Variants in ZNF99 observed in about 807,000 individuals in gnomAD.
ZNF99 encodes the protein zinc finger protein 99.
Under a neutral mutation model 12.8 loss-of-function variants are expected in ZNF99, and 8 were observed. The observed-to-expected ratio is 0.62, with a 90% CI of 0.37 to 1.13. The LOEUF (loss-of-function observed/expected upper bound fraction) is 1.13, where lower values mean the gene tolerates loss of function less well. Ranked by LOEUF, ZNF99 falls within the 50% of genes most tolerant of loss-of-function variation. The pLI is 0.02. For synonymous variants in ZNF99, 318 were observed against 319.0 expected (o/e 1.00, Z 0.03); for missense variants, 1,007 against 1,006.2 (o/e 1.00, Z -0.01).
chr19:22,765,356 G>T (rs1465585314), intron 3 of ZNF99, among the ~76,000 whole-genome samples: 1 of 151,988 alleles, frequency 6.6e-6, no homozygotes, highest in Non-Finnish European at 1.5e-5. Context: ...GAAAACGAGG[G>T]ATAAAAGACC....
In ZNF99 at chr19:22,776,763, A is replaced by G. The variant is rs184541108; in HGVS notation, c.3+7251T>C. Among the ~76,000 whole-genome samples the G allele has an allele frequency of 4.3e-3, 662 of 152,324 alleles. 7 individuals are homozygous for G. Among genetic ancestry groups the G allele is most frequent in the African/African-American group, 0.015 (631 of 41,578 alleles). On this transcript the variant is annotated intron_variant, in intron 1 of 3. Transcript: ENST00000596209. ...AAAAATTATTCTGTCATAAAGACAC[A>G]TGCACATGCATGTTCACTGAAGCAC...
At chr19:22,760,922 A>G (rs1460289897) in intron 3 of ZNF99, among the ~76,000 whole-genome samples, 1 of 150,966 alleles carries the variant, frequency 6.6e-6, no homozygotes, top group African/African-American at 2.4e-5. Context: ...AACAAGATGC[A>G]TTCTAAGAAC....
intron 1 of ZNF99, chr19:22,770,942 T>TC (rs149796416): frequency 7.5e-4 from 72 of 95,700 alleles, no homozygotes; most frequent in African/African-American, 4.1e-3. Context: ...TTTTCAGAAC[T>TC]TTTTTTTTTT....
intron 1 of ZNF99, among the ~76,000 whole-genome samples, chr19:22,781,191 C>T (rs772674223): frequency 1.3e-4 from 20 of 152,200 alleles, no homozygotes; most frequent in African/African-American, 2.9e-4. Context: ...AGTTAAAAAA[C>T]TGAGGTCAAA....
rs768823842 is a variant in ZNF99 at position 22,757,361 on chromosome 19, C to A, written c.2548G>T (p.Val850Leu). The change falls in exon 4 of 4, where the codon GTG becomes TTG. Residue 850 changes from valine to leucine, a missense_variant. By Grantham distance (32) the Val-to-Leu change is conservative (BLOSUM62 1). Transcript: ENST00000596209. ...TGAGAAATGTTTAAAAGCTTTGCCA[C>A]ATTCTTCACATTTGCAGGGTTTCTC... The part of the protein sequence containing the change: ...MERNPANVKN[V>L]AKLLNISQPL... 2 of 1,610,544 alleles carry A rather than the reference C, an allele frequency of 1.2e-6. No individual in the cohort carries two copies. Among genetic ancestry groups the A allele is most frequent in the Non-Finnish European group, 1.7e-6 (2 of 1,178,914 alleles).
At chr19:22,783,873 G>A in intron 1 of ZNF99, 141 bp downstream of exon 1, 1 of 1,119,752 alleles carries the variant, frequency 8.9e-7, no homozygotes, top group Non-Finnish European at 1.4e-6. Context: ...GGCTGAAGGA[G>A]ACTGAGGCCG....
rs760552178 is a variant in ZNF99 at position 22,758,526 on chromosome 19, A to C, written c.1383T>G (p.Ala461=). The C allele has an allele frequency of 6.2e-7, 1 of 1,612,994 alleles. No individual in the cohort carries two copies. The highest frequency in any genetic ancestry group is 2.2e-5 in the East Asian group (1 of 44,816). The change falls in exon 4 of 4, where the codon GCT becomes GCG. Residue 461 remains alanine, a synonymous_variant. Transcript: ENST00000596209. ...TTCTAAGGGCTGAAAAATTGCTAAA[A>C]GCTTTGCTGCATTCTTCACATTTGT... ...QPYKCEECSK[A]FSNFSALRKH... is the part of the protein sequence containing the mutation.
Position 22,754,611 on chromosome 19 carries a change from G to A in ZNF99, c.*2703C>T. The A allele has an allele frequency of 2.7e-6, 1 of 373,270 alleles. No homozygotes were observed. Among genetic ancestry groups the A allele is most frequent in the South Asian group, 2.1e-5 (1 of 47,752 alleles). 23.1% of individuals were successfully genotyped at this position (373,270 alleles called of 1,614,324 possible). ...TCAGTATGAATTATCTTAATGTGTGGTAAGATGTGAGAAATGGTTACAGTG... is the reference window on the plus strand; with the variant it reads ...TCAGTATGAATTATCTTAATGTGTGATAAGATGTGAGAAATGGTTACAGTG... On this transcript the variant is annotated 3_prime_UTR_variant, in exon 4 of 4. Transcript: ENST00000596209.
chr19:22,770,000 C>T, intron 1 of ZNF99: 1 of 1,351,712 alleles, frequency 7.4e-7, no homozygotes, highest in Non-Finnish European at 9.8e-7. Context: ...TAGAAGACAC[C>T]TCTCAAATTT....
rs778552430 is a variant in ZNF99, at chr19:22,759,512, G to C, written c.397C>G (p.Leu133Val). ...TGGGTAGTTGTCCAACATTGGTTAA[G>C]TTTATTATAAGCTTCTTCGTGCATC... Reference protein sequence around the residue: ...GKMHEEAYNKLNQCWTTTQGK... With the variant: ...GKMHEEAYNKVNQCWTTTQGK... Residue 133 changes from leucine (L) to valine (V), a missense_variant, in exon 4 of 4, where the codon CTT (leucine) becomes GTT (valine). Coordinates refer to ENST00000596209, the MANE Select transcript of ZNF99 (RefSeq NM_001080409.3). The C allele has an allele frequency of 1.2e-6, 2 of 1,608,832 alleles. No homozygotes were observed. The highest frequency in any genetic ancestry group is 2.7e-5 in the African/African-American group (2 of 74,692).
Position 22,759,268 on chromosome 19 carries a change from G to A in ZNF99, c.641C>T (p.Ser214Leu), listed in dbSNP as rs1341130038. 12 of 1,551,874 alleles carry A rather than the reference G, an allele frequency of 7.7e-6. No homozygotes were observed. Among genetic ancestry groups the A allele is most frequent in the Non-Finnish European group, 1.0e-5 (12 of 1,149,104 alleles). Residue 214 changes from serine (S) to leucine (L), a missense_variant, in exon 4 of 4, where the codon TCA becomes TTA. Transcript: ENST00000596209. ...AATTATCTTATGTTTAATAAGGGTTGAGAACCATTTAAAGGCTTTGCCACG... is the reference window on the plus strand; with the variant it reads ...AATTATCTTATGTTTAATAAGGGTTAAGAACCATTTAAAGGCTTTGCCACG... ...EERGKAFKWF[S>L]TLIKHKIIHT... is the part of the protein sequence containing the mutation.
In ZNF99 at chr19:22,757,032, C is replaced by A. The variant is rs1217334618; in HGVS notation, c.*282G>T. On this transcript the variant is annotated 3_prime_UTR_variant, in exon 4 of 4. Coordinates refer to ENST00000596209, the MANE Select transcript of ZNF99 (RefSeq NM_001080409.3). ...TTGCTAAAAGCTTTGCCACATTCTT[C>A]ACATTTGTACGATTTCTCCCTAGTA... is the stretch of plus-strand genomic sequence containing the variant. 6.2e-7 allele frequency: 1 copy of A among 1,613,010 alleles called. No homozygotes were observed. Among genetic ancestry groups the A allele is most frequent in the Non-Finnish European group, 8.5e-7 (1 of 1,179,292 alleles).
In ZNF99 at chr19:22,769,348, T is replaced by C. The variant is rs1481684202; in HGVS notation, c.4-24A>G. 1.9e-6 allele frequency: 3 copies of C among 1,587,262 alleles called. No homozygotes were observed. In the Middle Eastern group the frequency reaches 5.0e-4, roughly 267 times the overall value. On this transcript the variant is annotated intron_variant, in intron 1 of 3. Transcript: ENST00000596209. Reference sequence around the variant, plus strand: ...CCCTGAAAAACACAACAAAGATACATATAGATTTCCCAATTGGCCATGGAC... The same window carrying C: ...CCCTGAAAAACACAACAAAGATACACATAGATTTCCCAATTGGCCATGGAC...
At position 22,784,125 on chromosome 19, in the gene ZNF99, G is replaced by A; in HGVS notation, c.-109C>T. 7.8e-7 allele frequency: 1 copy of A among 1,286,546 alleles called. No individual in the cohort carries two copies. The highest frequency in any genetic ancestry group is 1.4e-5 in the South Asian group (1 of 73,732). The allele number at this position is 1,286,546 out of a possible 1,614,324, so 79.7% of individuals were successfully genotyped here. ...CAGAGCAGTAAAAACGAGATCCGGAGCTCCAGCTGGAACCAGAAACAACGG... is the reference window on the plus strand; with the variant it reads ...CAGAGCAGTAAAAACGAGATCCGGAACTCCAGCTGGAACCAGAAACAACGG... On this transcript the variant is annotated 5_prime_UTR_variant, in exon 1 of 4. Coordinates refer to ENST00000596209, the MANE Select transcript of ZNF99 (RefSeq NM_001080409.3).
At chr19:22,776,104 A>G (rs1038437369) in intron 1 of ZNF99, among the ~76,000 whole-genome samples, 9 of 151,988 alleles carry the variant, frequency 5.9e-5, no homozygotes, top group Non-Finnish European at 2.9e-5. Context: ...TAATCCCAGC[A>G]TCTTGGGAGG....
intron 1 of ZNF99, among the ~76,000 whole-genome samples, chr19:22,771,870 A>G (rs1254417598): frequency 1.4e-5 from 2 of 144,452 alleles, no homozygotes; most frequent in African/African-American, 5.2e-5. Flanking sequence ...GGCGTGTGCC[A>G]CCACGCCCGG....
Position 22,757,285 on chromosome 19 carries a change from A to C in ZNF99, c.*29T>G. ...TGTTAAAAGCTTTGCCACATTCTTCACATTTGTAGGGTTTCTTTCCAGTAT... is the reference window on the plus strand; with the variant it reads ...TGTTAAAAGCTTTGCCACATTCTTCCCATTTGTAGGGTTTCTTTCCAGTAT... On this transcript the variant is annotated 3_prime_UTR_variant, in exon 4 of 4. Transcript: ENST00000596209. 1 of 1,613,146 alleles carries C rather than the reference A, an allele frequency of 6.2e-7. No homozygotes were observed. Among genetic ancestry groups the C allele is most frequent in the South Asian group, 1.1e-5 (1 of 91,054 alleles).
In ZNF99 at chr19:22,756,891, T is replaced by C; in HGVS notation, c.*423A>G. 1 of 1,611,524 alleles carries C rather than the reference T, an allele frequency of 6.2e-7. No homozygotes were observed. The highest frequency in any genetic ancestry group is 8.5e-7 in the Non-Finnish European group (1 of 1,178,894). ...ACATTTGTAGGGTTTCTCTACAGTATGAATTACCTTATGTTCCATAAGTTT... is the reference window on the plus strand; with the variant it reads ...ACATTTGTAGGGTTTCTCTACAGTACGAATTACCTTATGTTCCATAAGTTT... On this transcript the variant is annotated 3_prime_UTR_variant, in exon 4 of 4. Coordinates refer to ENST00000596209, the MANE Select transcript of ZNF99 (RefSeq NM_001080409.3).
intron 1 of ZNF99, among the ~76,000 whole-genome samples, chr19:22,780,491 G>C (rs1233042397): frequency 1.3e-5 from 2 of 152,010 alleles, no homozygotes; most frequent in South Asian, 2.1e-4. Context: ...TTGGGAGTTC[G>C]AGACCAGCAT....
Sources: allele counts gnomAD v4.1 joint callset (sites outside exome capture counted in the v4.1 genomes callset), GRCh38; gene constraint gnomAD v4.1.1; transcripts MANE v1.5; gene names NCBI Gene and HGNC (gene_info 2026-07-23, HGNC 2026-07-21).